Variants in NTNG2 observed in about 807,000 individuals in gnomAD.
NTNG2 encodes netrin G2, also known as netrin-G2.
Under a neutral mutation model 47.6 loss-of-function variants are expected in NTNG2, and 15 were observed. That is an observed-to-expected ratio of 0.32 (90% CI 0.21 to 0.49). NTNG2 has a LOEUF of 0.49. Ranked by LOEUF, NTNG2 falls within the 20% of genes least tolerant of loss-of-function variation. The pLI is 0.99. For synonymous variants in NTNG2, 307 were observed against 324.6 expected (o/e 0.95, Z 0.58); for missense variants, 578 against 764.6 (o/e 0.76, Z 2.88).
chr9:132,201,650 A>G (rs577824236), intron 3 of NTNG2, among the ~76,000 whole-genome samples: 22 of 152,306 alleles, frequency 1.4e-4, no homozygotes, highest in African/African-American at 4.1e-4. Context: ...CGTGACTGCC[A>G]TGTTGCCCAG....
chr9:132,217,143 G>A (rs1358897173), intron 3 of NTNG2, among the ~76,000 whole-genome samples: 1 of 152,242 alleles, frequency 6.6e-6, no homozygotes, highest in African/African-American at 2.4e-5. Context: ...ATTCTCACCT[G>A]TAAAGTGGGA....
chr9:132,225,701 G>A (rs936623485), intron 3 of NTNG2, among the ~76,000 whole-genome samples: 34 of 152,152 alleles, frequency 2.2e-4, no homozygotes, highest in Admixed American at 1.3e-4. Flanking sequence ...CGTTCCATTT[G>A]TTTGCGTGTT....
chr9:132,186,236 G>C (rs1837375034), intron 2 of NTNG2, among the ~76,000 whole-genome samples: 1 of 152,198 alleles, frequency 6.6e-6, no homozygotes. Flanking sequence ...AGACGCCCAT[G>C]TGTCTGGTCC....
chr9:132,166,889 G>A lies in NTNG2; in HGVS notation c.58G>A (p.Asp20Asn). 4.3e-6 allele frequency: 7 copies of A among 1,614,236 alleles called. No homozygotes were observed. The highest frequency in any genetic ancestry group is 2.2e-5 in the East Asian group (1 of 44,880). ...HCLPLASGDY[D>N]ICKSWVTTDE... ...CCTCCCTCTGGCCTCTGGGGACTAT[G>A]ACATCTGCAAATCCTGGGTGACCAC... Residue 20 changes from aspartate to asparagine, a missense_variant, in exon 2 of 8, where the codon GAC (aspartate) becomes AAC (asparagine). By Grantham distance (23) the Asp-to-Asn change is conservative. Coordinates refer to ENST00000393229, the MANE Select transcript of NTNG2 (RefSeq NM_032536.4).
At chr9:132,200,646 G>C (rs1030043407) in intron 3 of NTNG2, among the ~76,000 whole-genome samples, 1 of 152,180 alleles carries the variant, frequency 6.6e-6, no homozygotes, top group Non-Finnish European at 1.5e-5. Context: ...GTTTCACTTT[G>C]ACGGTGTGTG....
rs534260321 is a variant in NTNG2, at chr9:132,220,169, C to T, written c.858-6680C>T. 3.9e-5 allele frequency among the ~76,000 whole-genome samples: 6 copies of T among 152,296 alleles called. No homozygotes were observed. In the East Asian group the frequency reaches 1.2e-3, roughly 29 times the overall value. On this transcript the variant is annotated intron_variant, in intron 3 of 7. Coordinates refer to ENST00000393229, the MANE Select transcript of NTNG2 (RefSeq NM_032536.4). ...GAAATGTCTGTGCTGATCCTTTCCTCATTTTAAAAACTGGATTATTTGTCA... is the reference window on the plus strand; with the variant it reads ...GAAATGTCTGTGCTGATCCTTTCCTTATTTTAAAAACTGGATTATTTGTCA...
At chr9:132,220,543 C>T (rs1389826458) in intron 3 of NTNG2, among the ~76,000 whole-genome samples, 3 of 151,550 alleles carry the variant, frequency 2.0e-5, no homozygotes, top group African/African-American at 7.3e-5. Context: ...CCTCTGCCTC[C>T]TGGGTTCAAG....
Position 132,182,879 on chromosome 9 carries a change from TC to T in NTNG2, c.214-15080del, listed in dbSNP as rs921276105. Among the ~76,000 whole-genome samples the T allele has an allele frequency of 1.8e-4, 27 of 150,748 alleles. No homozygotes were observed. The highest frequency in any genetic ancestry group is 3.9e-4 in the African/African-American group (16 of 40,966). On this transcript the variant is annotated intron_variant, in intron 2 of 7. Coordinates refer to ENST00000393229, the MANE Select transcript of NTNG2 (RefSeq NM_032536.4). The surrounding 1 kb of genome is among the most constrained non-coding windows in gnomAD (Gnocchi z 4.2). The stretch of plus-strand genomic sequence containing the variant: ...CTGGACTTGCCTGGGAGCTTTTCAT[TC>T]CCCCCCTGCCGCAGCTGCCCCCCAG...
intron 3 of NTNG2, among the ~76,000 whole-genome samples, chr9:132,216,123 C>T (rs1266025923): frequency 2.6e-5 from 4 of 152,160 alleles, no homozygotes; most frequent in Admixed American, 1.3e-4. Flanking sequence ...CTGGCCACCG[C>T]GCTACCTGGT....
At chr9:132,185,630 C>A (rs542725713) in intron 2 of NTNG2, among the ~76,000 whole-genome samples, 1 of 152,158 alleles carries the variant, frequency 6.6e-6, no homozygotes, top group Non-Finnish European at 1.5e-5. Flanking sequence ...CTCTTCCTCT[C>A]GGTGCCTTTC....
chr9:132,198,595 C>G lies in NTNG2; in HGVS notation c.843C>G (p.Ile281Met). The change falls in exon 3 of 8, where the codon ATC (isoleucine) becomes ATG (methionine). Residue 281 changes from isoleucine (I) to methionine (M), a missense_variant. By Grantham distance (10) the Ile-to-Met change is conservative. Transcript: ENST00000393229. Reference protein sequence around the residue: ...LYKYFYAISNIEVIGRCKCNL... With the variant: ...LYKYFYAISNMEVIGRCKCNL... ...AGTACTTCTACGCCATCTCCAACAT[C>G]GAGGTCATCGGCAGGTAAGGCCGGG... 1.2e-6 allele frequency: 2 copies of G among 1,607,126 alleles called. No individual in the cohort carries two copies. The highest frequency in any genetic ancestry group is 8.5e-7 in the Non-Finnish European group (1 of 1,175,016).
At chr9:132,217,170 C>A (rs1483873610) in intron 3 of NTNG2, among the ~76,000 whole-genome samples, 1 of 152,214 alleles carries the variant, frequency 6.6e-6, no homozygotes, top group Admixed American at 6.5e-5. Flanking sequence ...GTGCCTTCTG[C>A]GTTTTCACGA....
At chr9:132,214,630 CAAGT>C (rs534065599) in intron 3 of NTNG2, among the ~76,000 whole-genome samples, 128 of 152,306 alleles carry the variant, frequency 8.4e-4, no homozygotes, top group African/African-American at 2.6e-3. Flanking sequence ...TTCCAGCAAG[CAAGT>C]GAGTGCGCCC....
At chr9:132,184,916 C>T (rs928853932) in intron 2 of NTNG2, among the ~76,000 whole-genome samples, 3 of 152,238 alleles carry the variant, frequency 2.0e-5, no homozygotes, top group Non-Finnish European at 4.4e-5. Flanking sequence ...GAGCGAAACT[C>T]TGTCTCAAAG....
intron 2 of NTNG2, among the ~76,000 whole-genome samples, chr9:132,187,569 AAGAGAGAGAGAG>A (rs66498690): frequency 7.2e-5 from 10 of 138,946 alleles, no homozygotes; most frequent in Admixed American, 2.9e-4. Context: ...GAGAGGGAGC[AAGAGAGAGAGAG>A]AGAGAGAGAG....
chr9:132,230,838 T>C (rs969785411), intron 5 of NTNG2, among the ~76,000 whole-genome samples: 4 of 144,496 alleles, frequency 2.8e-5, no homozygotes, highest in African/African-American at 1.0e-4. Context: ...CTGTGGCCTG[T>C]GGCCCAGCAA....
At chr9:132,202,102 C>T (rs1196371192) in intron 3 of NTNG2, among the ~76,000 whole-genome samples, 2 of 152,202 alleles carry the variant, frequency 1.3e-5, no homozygotes, top group Non-Finnish European at 2.9e-5. Context: ...CTTGAGCCCA[C>T]CTGGAGCTCA....
chr9:132,233,485 C>G (rs1037533384), intron 5 of NTNG2: 1 of 152,198 alleles, frequency 6.6e-6, no homozygotes, highest in African/African-American at 2.4e-5. Context: ...GTGAGGGTCC[C>G]CAGGACCCCC....
At chr9:132,207,399 G>A (rs575344985) in intron 3 of NTNG2, among the ~76,000 whole-genome samples, 13 of 152,284 alleles carry the variant, frequency 8.5e-5, no homozygotes, top group East Asian at 3.9e-4. Context: ...AGCCTCTGGC[G>A]TTCCTGGGCT....
Sources: gnomAD v4.1 joint callset for allele counts (sites outside exome capture counted in the v4.1 genomes callset) on GRCh38, gnomAD v4.1.1 for gene constraint, Gnocchi (gnomAD v3.1) non-coding constraint, MANE v1.5 for transcripts, NCBI Gene and HGNC (gene_info 2026-07-23, HGNC 2026-07-21) for gene names.